The following CNTN4 variants were observed in gnomAD, a reference collection of about 807,000 sequenced individuals.
CNTN4 encodes the protein contactin-4.
A neutral mutation model predicts 122.5 loss-of-function variants in CNTN4; 77 were observed. That is an observed-to-expected ratio of 0.63 (90% CI 0.52 to 0.76). CNTN4 has a LOEUF of 0.76. CNTN4 is among the 30% of genes least tolerant of loss of function. The pLI is 0.00. For synonymous variants in CNTN4, 512 were observed against 447.0 expected (o/e 1.15, Z -1.83); for missense variants, 1,256 against 1,259.1 (o/e 1.00, Z 0.04).
At chr3:2,983,245 A>G (rs1489439128) in intron 13 of CNTN4, among the ~76,000 whole-genome samples, 1 of 136,564 alleles carries the variant, frequency 7.3e-6, no homozygotes, top group Non-Finnish European at 1.6e-5. Flanking sequence ...AAAAAAAAAA[A>G]AAAAAAAAAA....
At chr3:2,677,355 C>T (rs1449983406) in intron 4 of CNTN4, among the ~76,000 whole-genome samples, 1 of 147,912 alleles carries the variant, frequency 6.8e-6, no homozygotes, top group African/African-American at 2.5e-5. Context: ...GTGGGGGGCA[C>T]AGAGTCTTGC....
In CNTN4 at chr3:3,034,720, C is replaced by G. The variant is rs1699451513; in HGVS notation, c.1872C>G (p.His624Gln). 6.2e-7 allele frequency: 1 copy of G among 1,614,108 alleles called. No individual in the cohort carries two copies. Among genetic ancestry groups the G allele is most frequent in the South Asian group, 1.1e-5 (1 of 91,070 alleles). The change falls in exon 17 of 25, where the codon CAC (histidine) becomes CAG (glutamine). Residue 624 changes from histidine (H) to glutamine (Q), a missense_variant. His to Gln is a conservative substitution (Grantham distance 24, BLOSUM62 0). Transcript: ENST00000418658. ...CCTGGAGACCCGGGCCTGACAACCA[C>G]AGCCCCATCACCATGTATGTCATTC... ...QLSWRPGPDN[H>Q]SPITMYVIQA...
rs9833269 is a variant in CNTN4 at position 2,952,701 on chromosome 3, A to C, written c.1358+26922A>C. Among the ~76,000 whole-genome samples, 904 of 152,302 alleles carry C rather than the reference A, an allele frequency of 5.9e-3. 10 individuals are homozygous for C. The highest frequency in any genetic ancestry group is 0.021 in the African/African-American group (874 of 41,558). The stretch of plus-strand genomic sequence containing the variant: ...GTATGACTTTGTCAATTCACTACAA[A>C]TATTTATTACTTAATTTTGAACAGT... On this transcript the variant is annotated intron_variant, in intron 13 of 24. Coordinates refer to ENST00000418658, the MANE Select transcript of CNTN4 (RefSeq NM_175607.3).
chr3:2,441,170 G>A (rs542559800), intron 3 of CNTN4, among the ~76,000 whole-genome samples: 1 of 152,112 alleles, frequency 6.6e-6, no homozygotes, highest in African/African-American at 2.4e-5. Flanking sequence ...AAGACAAAAT[G>A]AGTTGCTGCA....
intron 2 of CNTN4, among the ~76,000 whole-genome samples, chr3:2,301,718 T>G (rs527301344): frequency 1.5e-4 from 23 of 151,262 alleles, no homozygotes; most frequent in Non-Finnish European, 2.6e-4. Context: ...TGAGTTTAAC[T>G]GACTCAGATG....
At chr3:2,830,399 T>G (rs975942841) in intron 7 of CNTN4, among the ~76,000 whole-genome samples, 2 of 152,218 alleles carry the variant, frequency 1.3e-5, no homozygotes, top group African/African-American at 4.8e-5. Context: ...GAAATAATGT[T>G]TGGAAAATGA....
chr3:2,864,602 C>T (rs528358457), intron 7 of CNTN4, among the ~76,000 whole-genome samples: 34 of 151,632 alleles, frequency 2.2e-4, no homozygotes, highest in African/African-American at 7.7e-4. Flanking sequence ...AGCCAAGCGT[C>T]GTGGTGGGCA....
At chr3:3,013,708 A>G (rs1011910951) in intron 14 of CNTN4, among the ~76,000 whole-genome samples, 2 of 152,186 alleles carry the variant, frequency 1.3e-5, no homozygotes, top group Non-Finnish European at 2.9e-5. Flanking sequence ...AAACTATGGA[A>G]TGATCTACAA....
At position 2,647,061 on chromosome 3, in the gene CNTN4, G is replaced by A. The variant is rs1382869; in HGVS notation, c.55+75503G>A. Among the ~76,000 whole-genome samples, 749 of 152,172 alleles carry A rather than the reference G, an allele frequency of 4.9e-3. 3 individuals are homozygous for A. The highest frequency in any genetic ancestry group is 0.017 in the African/African-American group (716 of 41,520). ...TCTGTTTTCAGAACTGATATTAAAT[G>A]TAAGCATATCTGTGTACTTAAGGTA... is the stretch of plus-strand genomic sequence containing the variant. On this transcript the variant is annotated intron_variant, in intron 4 of 24. Coordinates refer to ENST00000418658, the MANE Select transcript of CNTN4 (RefSeq NM_175607.3).
At chr3:2,702,849 AT>A (rs2086436510) in intron 4 of CNTN4, among the ~76,000 whole-genome samples, 1 of 152,112 alleles carries the variant, frequency 6.6e-6, no homozygotes, top group South Asian at 2.1e-4. Flanking sequence ...ACCATTAGAG[AT>A]TTCTTTTGTA....
chr3:2,731,071 A>G (rs866505973), intron 4 of CNTN4, among the ~76,000 whole-genome samples: 1 of 150,674 alleles, frequency 6.6e-6, no homozygotes, highest in Non-Finnish European at 1.5e-5. Flanking sequence ...GGTCATTTTT[A>G]TTCTGTAACC....
At chr3:2,858,426 A>T (rs1451534713) in intron 7 of CNTN4, among the ~76,000 whole-genome samples, 1 of 152,348 alleles carries the variant, frequency 6.6e-6, no homozygotes, top group East Asian at 1.9e-4. Context: ...GTTTGTTTCA[A>T]GAAAAGCCCA....
At chr3:2,992,848 G>A (rs534957911) in intron 14 of CNTN4, among the ~76,000 whole-genome samples, 12 of 152,150 alleles carry the variant, frequency 7.9e-5, no homozygotes, top group East Asian at 1.9e-4. Context: ...AAAGAACTTC[G>A]TACATGCATG....
In CNTN4 at chr3:3,016,979, G is replaced by A. The variant is rs10510250; in HGVS notation, c.1487-9123G>A. ...TGATGTCATTTGTCAAGTTGCACAC[G>A]TTGTTCCGAGAACCAGGTCACAATA... On this transcript the variant is annotated intron_variant, in intron 14 of 24. Coordinates refer to ENST00000418658, the MANE Select transcript of CNTN4 (RefSeq NM_175607.3). Among the ~76,000 whole-genome samples the A allele has an allele frequency of 7.9e-4, 120 of 152,222 alleles. 1 individual carries two copies. The East Asian group carries it at 0.021, about 27-fold the overall frequency.
Position 2,786,707 on chromosome 3 carries a change from C to G in CNTN4, c.359-32779C>G, listed in dbSNP as rs1206414678. Reference sequence around the variant, plus strand: ...TTCTGGAAATTTTTTTAAAAAGCTTCTACTGGAGCCAAGAGTGGCTCAGCT... The same window carrying G: ...TTCTGGAAATTTTTTTAAAAAGCTTGTACTGGAGCCAAGAGTGGCTCAGCT... On this transcript the variant is annotated intron_variant, in intron 6 of 24. Transcript: ENST00000418658. Among the ~76,000 whole-genome samples, 4 of 152,188 alleles carry G rather than the reference C, an allele frequency of 2.6e-5. No homozygotes were observed. In the South Asian group the frequency reaches 6.2e-4, roughly 24 times the overall value.
At chr3:2,969,937 G>A (rs758958357) in intron 13 of CNTN4, among the ~76,000 whole-genome samples, 11 of 152,080 alleles carry the variant, frequency 7.2e-5, no homozygotes, top group Non-Finnish European at 7.4e-5. Flanking sequence ...CATTGAGTAC[G>A]TAGATATATA....
At chr3:2,653,415 G>A (rs1314779294) in intron 4 of CNTN4, among the ~76,000 whole-genome samples, 1 of 151,954 alleles carries the variant, frequency 6.6e-6, no homozygotes, top group Non-Finnish European at 1.5e-5. Context: ...TTAGATTTTG[G>A]GTTCATAGAG....
intron 2 of CNTN4, among the ~76,000 whole-genome samples, chr3:2,254,301 A>G (rs926476240): frequency 3.3e-5 from 5 of 152,078 alleles, no homozygotes; most frequent in Non-Finnish European, 7.4e-5. Flanking sequence ...TGATGGGCAT[A>G]CGGGTTGGTT....
intron 21 of CNTN4, 119 bp downstream of exon 21, chr3:3,042,541 C>A: frequency 1.4e-6 from 1 of 732,578 alleles, no homozygotes; most frequent in Non-Finnish European, 2.5e-6. Flanking sequence ...TGGTTTTAGG[C>A]CTGGCTTCCA....
Sources: gnomAD v4.1 joint callset for allele counts (sites outside exome capture counted in the v4.1 genomes callset) on GRCh38, gnomAD v4.1.1 for gene constraint, MANE v1.5 for transcripts, NCBI Gene and HGNC (gene_info 2026-07-23, HGNC 2026-07-21) for gene names.